Variants in TTC29 observed in about 807,000 individuals in gnomAD.
TTC29 encodes the protein tetratricopeptide repeat protein 29.
Under a neutral mutation model 58.1 loss-of-function variants are expected in TTC29, and 49 were observed. The ratio of observed to expected loss-of-function variants is 0.84; its 90% confidence interval spans 0.67 to 1.07. The LOEUF is 1.07. TTC29 is among the 50% of genes least tolerant of loss of function. The pLI is 0.00. For missense variants in TTC29, 582 were observed against 555.6 expected (o/e 1.05, Z -0.48); for synonymous variants, 209 against 196.8 (o/e 1.06, Z -0.52).
At position 146,886,720 on chromosome 4, in the gene TTC29, C is replaced by T. The variant is rs1004137436; in HGVS notation, c.587-11792G>A. ...TACTTTTAATAAAATAAGACAAGAA[C>T]AAAAAACTCAGAAGGTTGACTTTGT... On this transcript the variant is annotated intron_variant, in intron 6 of 12. Coordinates refer to ENST00000325106, the MANE Select transcript of TTC29 (RefSeq NM_031956.4). 2.6e-5 allele frequency among the ~76,000 whole-genome samples: 4 copies of T among 151,908 alleles called. No homozygotes were observed. The East Asian group carries it at 7.7e-4, about 29-fold the overall frequency.
intron 8 of TTC29, among the ~76,000 whole-genome samples, chr4:146,866,795 A>G (rs751191680): frequency 1.4e-4 from 21 of 152,314 alleles, no homozygotes; most frequent in Non-Finnish European, 1.8e-4. Context: ...AAAGCTAAAA[A>G]TTAATCCAAT....
chr4:146,732,959 TA>T (rs755583962), intron 11 of TTC29, among the ~76,000 whole-genome samples: 36 of 152,264 alleles, frequency 2.4e-4, no homozygotes, highest in Middle Eastern at 3.4e-3. Flanking sequence ...GAGAGTACTG[TA>T]GAGGAAACGG....
chr4:146,902,867 AC>A (rs1178399829), intron 6 of TTC29, among the ~76,000 whole-genome samples: 2 of 152,186 alleles, frequency 1.3e-5, no homozygotes, highest in African/African-American at 4.8e-5. Context: ...CAAAGTAAAA[AC>A]TTTTATGCAA....
intron 6 of TTC29, among the ~76,000 whole-genome samples, chr4:146,895,919 A>T (rs1179134078): frequency 6.6e-6 from 1 of 152,128 alleles, no homozygotes; most frequent in African/African-American, 2.4e-5. Flanking sequence ...TATTTATAAA[A>T]GTTTCTCAAA....
chr4:146,832,937 C>T (rs2150156941), intron 9 of TTC29, among the ~76,000 whole-genome samples: 1 of 152,142 alleles, frequency 6.6e-6, no homozygotes, highest in South Asian at 2.1e-4. Context: ...TATAATGATT[C>T]CAATTTTACC....
At chr4:146,872,845 C>T (rs1269620002) in intron 7 of TTC29, among the ~76,000 whole-genome samples, 11 of 152,014 alleles carry the variant, frequency 7.2e-5, no homozygotes, top group Non-Finnish European at 1.6e-4. Context: ...AAGTTGAACA[C>T]AGTTATCATA....
At chr4:146,894,887 G>C (rs1171628252) in intron 6 of TTC29, among the ~76,000 whole-genome samples, 1 of 151,968 alleles carries the variant, frequency 6.6e-6, no homozygotes, top group Non-Finnish European at 1.5e-5. Flanking sequence ...GGATGTGCAG[G>C]TTTGCTACAT....
chr4:146,744,121 A>G (rs890416823), intron 11 of TTC29, among the ~76,000 whole-genome samples: 1 of 152,220 alleles, frequency 6.6e-6, no homozygotes, highest in Non-Finnish European at 1.5e-5. Context: ...ATCTGTACAG[A>G]TAATATTCCA....
At chr4:146,758,466 A>C (rs1746620361) in intron 11 of TTC29, among the ~76,000 whole-genome samples, 1 of 152,192 alleles carries the variant, frequency 6.6e-6, no homozygotes, top group Admixed American at 6.5e-5. Context: ...CAATGGATTT[A>C]AACCATACCT....
intron 11 of TTC29, among the ~76,000 whole-genome samples, chr4:146,716,838 A>G (rs1246519505): frequency 6.6e-6 from 1 of 152,212 alleles, no homozygotes; most frequent in African/African-American, 2.4e-5. Context: ...TTAAATTTTC[A>G]TAAGAATGAA....
chr4:146,865,983 C>A (rs1457301527), intron 8 of TTC29, among the ~76,000 whole-genome samples: 1 of 152,070 alleles, frequency 6.6e-6, no homozygotes, highest in African/African-American at 2.4e-5. Context: ...GGGTGCAGAA[C>A]AGTGCATATA....
At chr4:146,908,542 T>G (rs530246064) in intron 5 of TTC29, among the ~76,000 whole-genome samples, 1 of 152,306 alleles carries the variant, frequency 6.6e-6, no homozygotes, top group South Asian at 2.1e-4. Flanking sequence ...GATTTTCATG[T>G]CTTTTTACTA....
chr4:146,770,509 A>C (rs1349398136), intron 11 of TTC29, among the ~76,000 whole-genome samples: 1 of 151,994 alleles, frequency 6.6e-6, no homozygotes, highest in Non-Finnish European at 1.5e-5. Context: ...TCTTTGACTT[A>C]AATAAATTAC....
intron 10 of TTC29, among the ~76,000 whole-genome samples, chr4:146,817,519 A>G (rs1427680290): frequency 6.6e-6 from 1 of 152,214 alleles, no homozygotes; most frequent in East Asian, 1.9e-4. Flanking sequence ...AAGGTAATTT[A>G]TAGATTCAAT....
rs1041158905 is a variant in TTC29, at chr4:146,817,779, T to C, written c.1101+2346A>G. Among the ~76,000 whole-genome samples, 20 of 152,066 alleles carry C rather than the reference T, an allele frequency of 1.3e-4. 1 individual carries two copies. The highest frequency in any genetic ancestry group is 1.3e-3 in the Admixed American group (20 of 15,254). On this transcript the variant is annotated intron_variant, in intron 10 of 12. Coordinates refer to ENST00000325106, the MANE Select transcript of TTC29 (RefSeq NM_031956.4). ...AACAGAGCCCTCAGAAATAACGCCA[T>C]GTATCTACAAGTATCTGATCTTTGA...
At chr4:146,822,438 G>A (rs1751914267) in intron 9 of TTC29, among the ~76,000 whole-genome samples, 1 of 152,194 alleles carries the variant, frequency 6.6e-6, no homozygotes, top group African/African-American at 2.4e-5. Context: ...TGGCTGCATA[G>A]TATTCCATGG....
chr4:146,926,601 T>G (rs539435373), intron 4 of TTC29, among the ~76,000 whole-genome samples: 9 of 152,232 alleles, frequency 5.9e-5, no homozygotes, highest in African/African-American at 2.2e-4. Flanking sequence ...TAGCTGGGAT[T>G]ACAGGTGCGT....
chr4:146,819,561 A>G (rs909311241), intron 10 of TTC29, among the ~76,000 whole-genome samples: 1 of 152,202 alleles, frequency 6.6e-6, no homozygotes, highest in African/African-American at 2.4e-5. Flanking sequence ...ACATTCTACT[A>G]ATAACAGCTT....
At chr4:146,900,010 C>T (rs1257368174) in intron 6 of TTC29, among the ~76,000 whole-genome samples, 1 of 152,194 alleles carries the variant, frequency 6.6e-6, no homozygotes, top group African/African-American at 2.4e-5. Context: ...GGACCACCAT[C>T]GCCTCAGAGG....
Sources: gnomAD v4.1 joint callset for allele counts (sites outside exome capture counted in the v4.1 genomes callset) on GRCh38, gnomAD v4.1.1 for gene constraint, MANE v1.5 for transcripts, NCBI Gene and HGNC (gene_info 2026-07-23, HGNC 2026-07-21) for gene names.